The following PMEL variants were observed in gnomAD, a reference collection of about 807,000 sequenced individuals.
PMEL encodes the protein premelanosome protein.
A neutral mutation model predicts 64.9 loss-of-function variants in PMEL; 53 were observed. The observed-to-expected ratio is 0.82, with a 90% CI of 0.66 to 1.03. PMEL has a LOEUF of 1.03. Ranked by LOEUF, PMEL falls within the 50% of genes least tolerant of loss-of-function variation. PMEL has a pLI of 0.00. For synonymous variants in PMEL, 299 were observed against 316.2 expected, an observed-to-expected ratio of 0.95 and a Z score of 0.58; for missense variants, 716 against 814.9, an observed-to-expected ratio of 0.88 and a Z score of 1.48.
At chr12:55,964,558 G>A (rs1023116914) in intron 1 of PMEL, among the ~76,000 whole-genome samples, 3 of 152,046 alleles carry the variant, frequency 2.0e-5, no homozygotes, top group Admixed American at 6.6e-5. Context: ...CTATGACCAC[G>A]GCCTCCCAAA....
At chr12:55,964,695 G>A (rs1009957473) in intron 1 of PMEL, among the ~76,000 whole-genome samples, 4 of 150,276 alleles carry the variant, frequency 2.7e-5, no homozygotes, top group African/African-American at 2.5e-5. Flanking sequence ...GTGTGATCTC[G>A]GCTCACTGCA....
chr12:55,958,781 A>G (rs1336690950), intron 3 of PMEL, 174 bp from the exon 4 acceptor site: 8 of 644,056 alleles, frequency 1.2e-5, no homozygotes, highest in Non-Finnish European at 2.1e-5. Flanking sequence ...GAGGGTGTGG[A>G]AACTACATTT....
chr12:55,961,394 A>G lies in PMEL; in HGVS notation c.257T>C (p.Ile86Thr). Residue 86 changes from isoleucine (I) to threonine (T), a missense_variant, in exon 3 of 11, where the codon ATT (isoleucine) becomes ACT (threonine). Transcript: ENST00000548747. The stretch of plus-strand genomic sequence containing the variant: ...TTGGCTTCCAGGGAAGTTCAAGGCA[A>G]TAGAGAAGGAGGCATTTGCACCAAT... ...TLIGANASFS[I>T]ALNFPGSQKV... 1 of 1,614,176 alleles carries G rather than the reference A, an allele frequency of 6.2e-7. No homozygotes were observed. Among genetic ancestry groups the G allele is most frequent in the Non-Finnish European group, 8.5e-7 (1 of 1,179,998 alleles).
intron 3 of PMEL, 130 bp from the exon 4 acceptor site, chr12:55,958,737 A>G (rs192469585): frequency 1.6e-5 from 15 of 923,178 alleles, no homozygotes; most frequent in Non-Finnish European, 2.3e-5. Context: ...TACATTCTCC[A>G]TGATATAACC....
In PMEL at chr12:55,955,815, C is replaced by G. The variant is rs1888858429; in HGVS notation, c.1520G>C (p.Gly507Ala). The G allele has an allele frequency of 1.2e-6, 2 of 1,614,130 alleles. No individual in the cohort carries two copies. The highest frequency in any genetic ancestry group is 1.3e-5 in the African/African-American group (1 of 75,048). The change falls in exon 8 of 11, where the codon GGG becomes GCG. Residue 507 changes from glycine (G) to alanine (A), a missense_variant. Gly to Ala is a moderately conservative substitution (Grantham distance 60). Coordinates refer to ENST00000548747, the MANE Select transcript of PMEL (RefSeq NM_001384361.1). ...EILQAVPSGE[G>A]DAFELTVSCQ... ...GGACACAGTCAGCTCAAATGCATCCCCCTCACCGGACGGCACAGCCTGCAG... is the reference window on the plus strand; with the variant it reads ...GGACACAGTCAGCTCAAATGCATCCGCCTCACCGGACGGCACAGCCTGCAG...
rs200286588 is a variant in PMEL, at chr12:55,956,176, C to T, written c.1398G>A (p.Leu466=). The part of the protein sequence containing the change: ...PLLDGTATLR[L]VKRQVPLDCV... Reference sequence around the variant, plus strand: ...AATCCAGGGGGACTTGTCTCTTCACCAGCCTTAAGGTGGCTGTACCATCCA... The same window carrying T: ...AATCCAGGGGGACTTGTCTCTTCACTAGCCTTAAGGTGGCTGTACCATCCA... The change falls in exon 7 of 11, where the codon CTG becomes CTA. Residue 466 remains leucine (L), a synonymous_variant. Coordinates refer to ENST00000548747, the MANE Select transcript of PMEL (RefSeq NM_001384361.1). The T allele has an allele frequency of 4.1e-5, 66 of 1,614,070 alleles. 1 individual carries two copies. In the East Asian group the frequency reaches 1.3e-3, roughly 33 times the overall value.
In PMEL at chr12:55,954,362, G is replaced by C. The variant is rs768396173; in HGVS notation, c.1851-13C>G. Reference sequence around the variant, plus strand: ...CATAAGTCTGCGCCTGATATTGGGAGAAGGGGTAAACTGGTTAGCAATGGA... The same window carrying C: ...CATAAGTCTGCGCCTGATATTGGGACAAGGGGTAAACTGGTTAGCAATGGA... On this transcript the variant is annotated splice_polypyrimidine_tract_variant and intron_variant, in intron 10 of 10. Coordinates refer to ENST00000548747, the MANE Select transcript of PMEL (RefSeq NM_001384361.1). 1 of 1,613,946 alleles carries C rather than the reference G, an allele frequency of 6.2e-7. No homozygotes were observed. Among genetic ancestry groups the C allele is most frequent in the African/African-American group, 1.3e-5 (1 of 75,032 alleles).
At chr12:55,955,717 A>C in intron 8 of PMEL, 48 bp from the exon 9 acceptor site, 1 of 1,608,404 alleles carries the variant, frequency 6.2e-7, no homozygotes, top group South Asian at 1.1e-5. Context: ...AGGGACACTA[A>C]ATGCCAGAGA....
At chr12:55,955,210 T>A in intron 10 of PMEL, 64 bp downstream of exon 10, 1 of 1,194,260 alleles carries the variant, frequency 8.4e-7, no homozygotes, top group Non-Finnish European at 1.3e-6. Context: ...CTTCTCCCCT[T>A]GAGGAAAAGT....
rs868676986 is a variant in PMEL, at chr12:55,960,782, C to T, written c.334+535G>A. On this transcript the variant is annotated intron_variant, in intron 3 of 10. Coordinates refer to ENST00000548747, the MANE Select transcript of PMEL (RefSeq NM_001384361.1). ...CAGGATGGTCTGGATCTCCTGACCT[C>T]GTGATCCGCCCGCCTCGGCCTCCCG... Among the ~76,000 whole-genome samples the T allele has an allele frequency of 2.8e-3, 412 of 148,790 alleles. 2 individuals carry two copies. The highest frequency in any genetic ancestry group is 8.0e-3 in the African/African-American group (329 of 41,042).
chr12:55,954,904 CA>C lies in PMEL; in HGVS notation c.1850+369del, dbSNP rs528485237. 7.3e-3 allele frequency among the ~76,000 whole-genome samples: 1,035 copies of C among 141,776 alleles called. 20 individuals are homozygous for C. Among genetic ancestry groups the C allele is most frequent in the African/African-American group, 0.025 (975 of 38,800 alleles). The allele number at this position is 141,776 out of a possible 152,430, so 93.0% of individuals were successfully genotyped here. A position where few individuals can be genotyped will look rare whatever the true frequency, so the allele number is the denominator to read the frequency against. ...GGGCAAAAAGGGTGAAACTCCGTCT[CA>C]AAAAAAAAAAGAAAACTCAGTTTAC... On this transcript the variant is annotated intron_variant, in intron 10 of 10. Coordinates refer to ENST00000548747, the MANE Select transcript of PMEL (RefSeq NM_001384361.1).
intron 6 of PMEL, 91 bp downstream of exon 6, chr12:55,956,858 G>T (rs538616004): frequency 7.2e-7 from 1 of 1,395,666 alleles, no homozygotes; most frequent in Admixed American, 1.9e-5. Flanking sequence ...GCTAAGCAAA[G>T]GATTGGGTAA....
At chr12:55,955,697 G>A (rs775625296) in intron 8 of PMEL, 28 bp from the exon 9 acceptor site, 2 of 1,611,728 alleles carry the variant, frequency 1.2e-6, no homozygotes, top group Middle Eastern at 3.3e-4. Flanking sequence ...ATATATAAGG[G>A]GATCTGGGAA....
chr12:55,962,407 C>T (rs1283048764), intron 1 of PMEL, among the ~76,000 whole-genome samples: 2 of 125,028 alleles, frequency 1.6e-5, no homozygotes, highest in Non-Finnish European at 3.1e-5. Flanking sequence ...TCTGAGATTG[C>T]ACCAGTGTAC....
At position 55,961,462 on chromosome 12, in the gene PMEL, A is replaced by C; in HGVS notation, c.189T>G (p.Gly63=). ...TEAQRLDCWR[G]GQVSLKVSND... is the part of the protein sequence containing the mutation. ...TACTGACCTTGAGGGACACTTGACC[A>C]CCTGGGAAGGAAAGCTACATTAGCT... is the stretch of plus-strand genomic sequence containing the variant. Residue 63 remains glycine, a splice_region_variant and synonymous_variant, in exon 3 of 11, where the codon GGT becomes GGG. Coordinates refer to ENST00000548747, the MANE Select transcript of PMEL (RefSeq NM_001384361.1). 1 of 1,614,060 alleles carries C rather than the reference A, an allele frequency of 6.2e-7. No individual in the cohort carries two copies. The highest frequency in any genetic ancestry group is 8.5e-7 in the Non-Finnish European group (1 of 1,179,958).
chr12:55,957,036 A>C lies in PMEL; in HGVS notation c.1267T>G (p.Trp423Gly). 5.6e-6 allele frequency: 9 copies of C among 1,614,044 alleles called. No individual in the cohort carries two copies. The highest frequency in any genetic ancestry group is 7.6e-6 in the Non-Finnish European group (9 of 1,180,008). Residue 423 changes from tryptophan to glycine, a missense_variant, in exon 6 of 11, where the codon TGG becomes GGG. Coordinates refer to ENST00000548747, the MANE Select transcript of PMEL (RefSeq NM_001384361.1). ...AGCTCTCTAGCTGTGGTCTCCACCCACTCTGTAGTTGTTACCTGTGCAGCT... is the reference window on the plus strand; with the variant it reads ...AGCTCTCTAGCTGTGGTCTCCACCCCCTCTGTAGTTGTTACCTGTGCAGCT... ...TTAAQVTTTE[W>G]VETTARELPI...
In PMEL at chr12:55,956,693, G is replaced by A. The variant is rs531724012; in HGVS notation, c.1354+256C>T. 3.3e-5 allele frequency among the ~76,000 whole-genome samples: 5 copies of A among 152,228 alleles called. No individual in the cohort carries two copies. In the East Asian group the frequency reaches 5.8e-4, roughly 18 times the overall value. ...TGATCACAGTCTGTTCCCTGGTCTC[G>A]CCAACCGTTCTCAGCAGTAGAGAAA... On this transcript the variant is annotated intron_variant, in intron 6 of 10. Transcript: ENST00000548747.
intron 4 of PMEL, 117 bp downstream of exon 4, chr12:55,958,356 A>G (rs1888976016): frequency 1.9e-6 from 2 of 1,079,506 alleles, no homozygotes; most frequent in Middle Eastern, 2.4e-4. Flanking sequence ...TAAGAGGAAA[A>G]TGAAGATTAG....
In PMEL at chr12:55,954,483, T is replaced by C. The variant is rs77145008; in HGVS notation, c.1851-134A>G. On this transcript the variant is annotated intron_variant, in intron 10 of 10. Coordinates refer to ENST00000548747, the MANE Select transcript of PMEL (RefSeq NM_001384361.1). ...CTAGCTTCCTCCCCTTCTCCTCACC[T>C]CCAGGGTTTACCCTCTCTTATTTCT... 8.3e-3 allele frequency: 7,081 copies of C among 851,204 alleles called. 49 individuals are homozygous for C. The highest frequency in any genetic ancestry group is 0.011 in the Non-Finnish European group (5,938 of 535,568). The allele number at this position is 851,204 out of a possible 1,614,324, so 52.7% of individuals were successfully genotyped here. A position where few individuals can be genotyped will look rare whatever the true frequency, so the allele number is the denominator to read the frequency against.
Sources: gnomAD v4.1 joint callset for allele counts (sites outside exome capture counted in the v4.1 genomes callset) on GRCh38, gnomAD v4.1.1 for gene constraint, MANE v1.5 for transcripts, NCBI Gene and HGNC (gene_info 2026-07-23, HGNC 2026-07-21) for gene names.